The following TMEM163 variants were observed in gnomAD, a reference collection of about 807,000 sequenced individuals.
TMEM163 encodes the protein transmembrane protein 163.
Under a neutral mutation model 29.3 loss-of-function variants are expected in TMEM163, and 17 were observed. That is an observed-to-expected ratio of 0.58 (90% confidence interval 0.40 to 0.87). The LOEUF (loss-of-function observed/expected upper bound fraction) is 0.87. TMEM163 is among the 40% of genes least tolerant of loss of function. The pLI is 0.00. For synonymous variants in TMEM163, 157 were observed against 160.6 expected, an observed-to-expected ratio of 0.98 and a Z score of 0.17; for missense variants, 303 against 381.5, an observed-to-expected ratio of 0.79 and a Z score of 1.71.
chr2:134,563,920 T>C (rs1478120491), intron 2 of TMEM163, among the ~76,000 whole-genome samples: 1 of 152,064 alleles, frequency 6.6e-6, no homozygotes, highest in Non-Finnish European at 1.5e-5. Context: ...GGCGTGGTGG[T>C]GGGTGTCTGT....
intron 2 of TMEM163, among the ~76,000 whole-genome samples, chr2:134,676,685 C>A (rs1030291151): frequency 6.6e-6 from 1 of 152,172 alleles, no homozygotes; most frequent in Admixed American, 6.6e-5. Flanking sequence ...CCTCAACAGC[C>A]CCAGTCCTAG....
At chr2:134,669,765 C>T (rs373044534) in intron 2 of TMEM163, among the ~76,000 whole-genome samples, 21 of 152,198 alleles carry the variant, frequency 1.4e-4, no homozygotes, top group Non-Finnish European at 2.9e-4. Flanking sequence ...GGGACATGTG[C>T]CTTTAGAGCC....
At chr2:134,459,616 A>C (rs1686487959) in intron 6 of TMEM163, among the ~76,000 whole-genome samples, 2 of 148,244 alleles carry the variant, frequency 1.3e-5, no homozygotes, top group South Asian at 2.2e-4. Flanking sequence ...CTGCCTCCAC[A>C]CTCACACCCC....
In TMEM163 at chr2:134,644,258, T is replaced by C. The variant is rs560323912; in HGVS notation, c.322+68942A>G. Among the ~76,000 whole-genome samples the C allele has an allele frequency of 9.2e-5, 14 of 151,638 alleles. No individual in the cohort carries two copies. The East Asian group carries it at 2.5e-3, about 27-fold the overall frequency. On this transcript the variant is annotated intron_variant, in intron 2 of 7. Coordinates refer to ENST00000281924, the MANE Select transcript of TMEM163 (RefSeq NM_030923.5). Reference sequence around the variant, plus strand: ...GATTTTTTTTCTAGATATAGAGGAGTTGATTCTAAAATTCTTAGGGAAAGC... The same window carrying C: ...GATTTTTTTTCTAGATATAGAGGAGCTGATTCTAAAATTCTTAGGGAAAGC...
At chr2:134,503,797 T>A (rs1679756171) in intron 4 of TMEM163, among the ~76,000 whole-genome samples, 1 of 152,018 alleles carries the variant, frequency 6.6e-6, no homozygotes, top group Non-Finnish European at 1.5e-5. Context: ...GCATGGGGAC[T>A]GGCAAAGAAG....
At chr2:134,711,958 C>T (rs1684936526) in intron 2 of TMEM163, among the ~76,000 whole-genome samples, 1 of 152,196 alleles carries the variant, frequency 6.6e-6, no homozygotes, top group African/African-American at 2.4e-5. Flanking sequence ...GCCACCACAA[C>T]CAAATTATCC....
intron 2 of TMEM163, among the ~76,000 whole-genome samples, chr2:134,692,160 G>A (rs976850398): frequency 6.6e-6 from 1 of 152,114 alleles, no homozygotes; most frequent in Non-Finnish European, 1.5e-5. Context: ...CAGCCACCAA[G>A]AACAGAAGAA....
At chr2:134,526,181 A>G (rs932727144) in intron 4 of TMEM163, among the ~76,000 whole-genome samples, 1 of 152,218 alleles carries the variant, frequency 6.6e-6, no homozygotes, top group African/African-American at 2.4e-5. Context: ...TTACCTTCGC[A>G]TTTCACACTT....
chr2:134,684,933 A>G (rs1574337856), intron 2 of TMEM163, among the ~76,000 whole-genome samples: 1 of 149,628 alleles, frequency 6.7e-6, no homozygotes, highest in Non-Finnish European at 1.5e-5. Flanking sequence ...AAAAAAAAAA[A>G]AAAAAAAGAA....
chr2:134,677,814 G>T (rs1248263684), intron 2 of TMEM163, among the ~76,000 whole-genome samples: 1 of 152,094 alleles, frequency 6.6e-6, no homozygotes, highest in East Asian at 1.9e-4. Context: ...TTAAATAAAT[G>T]TACCCCTGTG....
chr2:134,690,675 C>A (rs1242018782), intron 2 of TMEM163, among the ~76,000 whole-genome samples: 4 of 152,324 alleles, frequency 2.6e-5, no homozygotes, highest in Non-Finnish European at 5.9e-5. Context: ...TTCTTCAGAG[C>A]CTTGAGCAAA....
chr2:134,599,014 TAAAA>T (rs34207224), intron 2 of TMEM163, among the ~76,000 whole-genome samples: 18,359 of 124,222 alleles, frequency 0.15, 1,589 homozygotes, highest in African/African-American at 0.23. Flanking sequence ...GCCATTCCGT[TAAAA>T]AAAAAAAAAA....
chr2:134,616,295 C>T (rs1439077007), intron 2 of TMEM163, among the ~76,000 whole-genome samples: 1 of 152,168 alleles, frequency 6.6e-6, no homozygotes, highest in Non-Finnish European at 1.5e-5. Flanking sequence ...ACCAGAGAGC[C>T]CTTCTTCACC....
intron 5 of TMEM163, among the ~76,000 whole-genome samples, chr2:134,472,330 G>A (rs1387010885): frequency 1.3e-5 from 2 of 152,056 alleles, no homozygotes; most frequent in Non-Finnish European, 2.9e-5. Context: ...AAGAGAAAAT[G>A]GACAAAGATA....
intron 4 of TMEM163, among the ~76,000 whole-genome samples, chr2:134,525,686 G>A (rs900118419): frequency 2.0e-5 from 3 of 152,142 alleles, no homozygotes; most frequent in Admixed American, 2.0e-4. Flanking sequence ...TGTGTTTAGG[G>A]AAGAACCCAC....
intron 4 of TMEM163, among the ~76,000 whole-genome samples, chr2:134,532,499 TATG>T (rs1680438006): frequency 6.6e-6 from 1 of 152,244 alleles, no homozygotes; most frequent in Non-Finnish European, 1.5e-5. Flanking sequence ...TTTGATAGGA[TATG>T]ATATTTGCAG....
At chr2:134,591,605 C>G (rs1391471318) in intron 2 of TMEM163, among the ~76,000 whole-genome samples, 2 of 152,010 alleles carry the variant, frequency 1.3e-5, no homozygotes, top group Non-Finnish European at 2.9e-5. Flanking sequence ...ACAGTCACAC[C>G]TCCAAATCTG....
chr2:134,536,761 A>AAAACCT (rs1680549995), intron 4 of TMEM163, among the ~76,000 whole-genome samples: 1 of 152,230 alleles, frequency 6.6e-6, no homozygotes, highest in East Asian at 1.9e-4. Flanking sequence ...TTTTAGGTCA[A>AAAACCT]AAACCTGTCA....
chr2:134,479,849 C>T (rs186198623), intron 5 of TMEM163, among the ~76,000 whole-genome samples: 2 of 152,352 alleles, frequency 1.3e-5, no homozygotes, highest in East Asian at 3.9e-4. Flanking sequence ...CCACTTCTCT[C>T]AGCCAGGCTG....
Sources: gnomAD v4.1 joint callset for allele counts (sites outside exome capture counted in the v4.1 genomes callset) on GRCh38, gnomAD v4.1.1 for gene constraint, MANE v1.5 for transcripts, NCBI Gene and HGNC (gene_info 2026-07-23, HGNC 2026-07-21) for gene names.